The following FBN1 variants were observed in gnomAD, a reference collection of about 807,000 sequenced individuals.
The protein encoded by FBN1 is fibrillin-1.
In FBN1, 29 loss-of-function variants were observed where a neutral mutation model predicts 365.1. That is an observed-to-expected ratio of 0.08 (90% CI 0.06 to 0.11). The LOEUF (loss-of-function observed/expected upper bound fraction) is 0.11, where lower values mean the gene tolerates loss of function less well. FBN1 is among the 10% of genes least tolerant of loss of function. FBN1 has a pLI of 1.00. For missense variants in FBN1, 2,476 were observed against 3,703.2 expected, an observed-to-expected ratio of 0.67 and a Z score of 8.60; for synonymous variants, 1,210 against 1,270.5, an observed-to-expected ratio of 0.95 and a Z score of 1.01.
chr15:48,537,503 A>G (rs557644823), intron 7 of FBN1, 108 bp downstream of exon 7: 1 of 1,373,046 alleles, frequency 7.3e-7, no homozygotes, highest in South Asian at 1.2e-5. Context: ...CGAAATTGTG[A>G]AGTTATGTAG....
chr15:48,515,322 A>G, intron 12 of FBN1, 65 bp downstream of exon 12: 1 of 1,589,694 alleles, frequency 6.3e-7, no homozygotes, highest in Non-Finnish European at 8.6e-7. Flanking sequence ...GCAATAGAAA[A>G]CCAGTAGAGT....
At chr15:48,614,403 C>T (rs575113791) in intron 2 of FBN1, among the ~76,000 whole-genome samples, 9 of 152,174 alleles carry the variant, frequency 5.9e-5, no homozygotes, top group Non-Finnish European at 1.2e-4. Flanking sequence ...ATGTAGACCA[C>T]GTGAAACAGT....
At chr15:48,501,334 A>G (rs74523758) in intron 17 of FBN1, among the ~76,000 whole-genome samples, 6,859 of 152,240 alleles carry the variant, frequency 0.045, 183 homozygotes, top group Non-Finnish European at 0.064. Context: ...ATAAAAGCAC[A>G]TTCAGTCCTC....
In FBN1 at chr15:48,480,599, A is replaced by G. The variant is rs1463064994; in HGVS notation, c.3964+1056T>C. On this transcript the variant is annotated intron_variant, in intron 32 of 65. Transcript: ENST00000316623. Reference sequence around the variant, plus strand: ...AATAATATTATTGCCCTTATCCTACATATCAATAAATTTGAAATAGCATTA... The same window carrying G: ...AATAATATTATTGCCCTTATCCTACGTATCAATAAATTTGAAATAGCATTA... Among the ~76,000 whole-genome samples, 4 of 152,196 alleles carry G rather than the reference A, an allele frequency of 2.6e-5. No individual in the cohort carries two copies. The South Asian group carries it at 6.2e-4, about 24-fold the overall frequency.
chr15:48,420,789 C>T lies in FBN1; in HGVS notation c.7717G>A (p.Gly2573Ser). 2 of 1,614,050 alleles carry T rather than the reference C, an allele frequency of 1.2e-6. No homozygotes were observed. The highest frequency in any genetic ancestry group is 4.5e-5 in the East Asian group (2 of 44,878). ...SSCEDVDECE[G>S]NHRCQHGCQN... ...CAGCCATGCTGGCAGCGGTGGTTAC[C>T]CTCACACTCGTCCACGTCTGAAAAA... The change falls in exon 63 of 66, where the codon GGT (glycine) becomes AGT (serine). Residue 2573 changes from glycine (G) to serine (S), a missense_variant. Gly to Ser is a moderately conservative substitution (Grantham distance 56, BLOSUM62 0). Transcript: ENST00000316623.
Position 48,481,982 on chromosome 15 carries a change from C to G in FBN1, c.3839-202G>C, listed in dbSNP as rs142627891. Among the ~76,000 whole-genome samples, 16 of 152,332 alleles carry G rather than the reference C, an allele frequency of 1.1e-4. No individual in the cohort carries two copies. The East Asian group carries it at 3.1e-3, about 29-fold the overall frequency. ...GCTCATTATTCAGACTGGCTTTCATCTGGCCCATAAGCAGCAGGCCAGTTA... is the reference window on the plus strand; with the variant it reads ...GCTCATTATTCAGACTGGCTTTCATGTGGCCCATAAGCAGCAGGCCAGTTA... On this transcript the variant is annotated intron_variant, in intron 31 of 65. Coordinates refer to ENST00000316623, the MANE Select transcript of FBN1 (RefSeq NM_000138.5).
At chr15:48,436,912 CTTAA>C in intron 53 of FBN1, 45 bp downstream of exon 53, 2 of 1,184,170 alleles carry the variant, frequency 1.7e-6, no homozygotes, top group Non-Finnish European at 2.5e-6. Flanking sequence ...TACTGTATAG[CTTAA>C]TTTTTAATTT....
At position 48,425,780 on chromosome 15, in the gene FBN1, T is replaced by C; in HGVS notation, c.7289A>G (p.Lys2430Arg). The change falls in exon 59 of 66, where the codon AAA becomes AGA. Residue 2430 changes from lysine (K) to arginine (R), a missense_variant. This residue lies in a region of FBN1 where 1,780 missense variants were observed against 2,840.8 expected (regional missense o/e 0.63). Coordinates refer to ENST00000316623, the MANE Select transcript of FBN1 (RefSeq NM_000138.5). ...AGTTATATCTGGAGTGTACCCAGTT[T>C]TACAAATGCAATGATATGATCCTCT... Reference protein sequence around the residue: ...NDRGSYHCICKTGYTPDITGT... With the variant: ...NDRGSYHCICRTGYTPDITGT... 6.2e-7 allele frequency: 1 copy of C among 1,613,530 alleles called. No homozygotes were observed. The highest frequency in any genetic ancestry group is 8.5e-7 in the Non-Finnish European group (1 of 1,179,482).
In FBN1 at chr15:48,643,683, C is replaced by A. The variant is rs555046523; in HGVS notation, c.164+923G>T. 4 of 152,180 alleles carry A rather than the reference C, an allele frequency of 2.6e-5. No homozygotes were observed. The South Asian group carries it at 8.3e-4, about 32-fold the overall frequency. 9.4% of individuals were successfully genotyped at this position (152,180 alleles called of 1,614,324 possible). ...ATGGTAAGAATTTAATACAAAATCT[C>A]CCTATATATACTGTCTGAATTTATT... On this transcript the variant is annotated intron_variant, in intron 2 of 65. Transcript: ENST00000316623.
At chr15:48,520,557 C>G (rs1222989811) in intron 10 of FBN1, 102 bp downstream of exon 10, 4 of 1,365,230 alleles carry the variant, frequency 2.9e-6, no homozygotes, top group Admixed American at 3.8e-5. Flanking sequence ...CTGGAGACTA[C>G]TCATTTACCC....
chr15:48,441,658 A>C, intron 50 of FBN1, 63 bp downstream of exon 50: 1 of 1,606,416 alleles, frequency 6.2e-7, no homozygotes, highest in Non-Finnish European at 8.5e-7. Flanking sequence ...CCATGTTTGA[A>C]AAATAAGACC....
Position 48,485,458 on chromosome 15 carries a change from T to G in FBN1, c.3628A>C (p.Thr1210Pro). Residue 1210 changes from threonine to proline, a missense_variant, in exon 30 of 66, where the codon ACC becomes CCC. Coordinates refer to ENST00000316623, the MANE Select transcript of FBN1 (RefSeq NM_000138.5). ...CTGCCTTCAGAGTTTGTGCAGAAGG[T>G]TTCACAACCACCATTCATTATGCTG... ...ECSIMNGGCE[T>P]FCTNSEGSYE... The G allele has an allele frequency of 6.2e-7, 1 of 1,614,166 alleles. No individual in the cohort carries two copies. Among genetic ancestry groups the G allele is most frequent in the Non-Finnish European group, 8.5e-7 (1 of 1,180,004 alleles).
At chr15:48,544,525 G>T (rs1170233913) in intron 6 of FBN1, among the ~76,000 whole-genome samples, 10 of 152,050 alleles carry the variant, frequency 6.6e-5, no homozygotes, top group African/African-American at 2.4e-4. Context: ...TTACCACTAT[G>T]ACTTAAATGT....
intron 5 of FBN1, among the ~76,000 whole-genome samples, chr15:48,597,085 A>G (rs903714149): frequency 6.6e-6 from 1 of 152,182 alleles, no homozygotes; most frequent in Admixed American, 6.5e-5. Flanking sequence ...TCTCTGCCAA[A>G]TATGTCAGTT....
chr15:48,610,674 A>C (rs1479113582), intron 4 of FBN1, 54 bp downstream of exon 4: 13 of 1,339,414 alleles, frequency 9.7e-6, no homozygotes, highest in Non-Finnish European at 5.3e-6. Flanking sequence ...TTTAGGAGAA[A>C]ATGGGGTATA....
intron 63 of FBN1, among the ~76,000 whole-genome samples, chr15:48,418,592 T>C (rs1419089814): frequency 6.6e-6 from 1 of 152,204 alleles, no homozygotes; most frequent in Non-Finnish European, 1.5e-5. Context: ...TTTCCTGACC[T>C]TTTTCATCCT....
intron 6 of FBN1, among the ~76,000 whole-genome samples, chr15:48,574,832 A>G (rs187657415): frequency 5.8e-4 from 89 of 152,334 alleles, no homozygotes; most frequent in Non-Finnish European, 1.1e-3. Flanking sequence ...AATAGCATCC[A>G]ATTTTATGAA....
At chr15:48,493,278 C>T (rs78871454) in intron 23 of FBN1, among the ~76,000 whole-genome samples, 1 of 151,742 alleles carries the variant, frequency 6.6e-6, no homozygotes, top group African/African-American at 2.4e-5. Context: ...TATTCACCAC[C>T]AAGTTAATCA....
intron 2 of FBN1, among the ~76,000 whole-genome samples, chr15:48,626,507 T>C (rs573946166): frequency 2.8e-4 from 42 of 152,276 alleles, no homozygotes; most frequent in Middle Eastern, 3.4e-3. Context: ...CAACAGGCCA[T>C]GGATCTTTAA....
Sources: allele counts gnomAD v4.1 joint callset (sites outside exome capture counted in the v4.1 genomes callset), GRCh38; gene constraint gnomAD v4.1.1; regional missense constraint gnomAD v4.1.1; transcripts MANE v1.5; gene names NCBI Gene and HGNC (gene_info 2026-07-23, HGNC 2026-07-21).